ENTREP2: variants seen among roughly 807,000 people sequenced by gnomAD.
ENTREP2 encodes protein ENTREP2.
At chr15:29,469,840 G>A in the ENTREP2 span, among the ~76,000 whole-genome samples, 1 of 152,024 alleles carries the variant, frequency 6.6e-6, no homozygotes, top group African/African-American at 2.4e-5. Context: ...CTCCTGGAAG[G>A]GACCCAGCAG....
the ENTREP2 span, among the ~76,000 whole-genome samples, chr15:29,131,540 C>T: frequency 6.9e-6 from 1 of 145,538 alleles, no homozygotes; most frequent in Non-Finnish European, 1.5e-5. Context: ...AGGCTCCAGG[C>T]TGTCCTGCCA....
the ENTREP2 span, among the ~76,000 whole-genome samples, chr15:29,335,020 G>A: frequency 2.0e-5 from 3 of 152,256 alleles, no homozygotes; most frequent in East Asian, 1.9e-4. Flanking sequence ...AGCCAACAGT[G>A]GGAACCAAGA....
At chr15:29,373,391 T>C in the ENTREP2 span, among the ~76,000 whole-genome samples, 15 of 152,208 alleles carry the variant, frequency 9.9e-5, no homozygotes, top group Admixed American at 4.6e-4. Context: ...GGGAGAAACA[T>C]TCCTAATGAG....
the ENTREP2 span, among the ~76,000 whole-genome samples, chr15:29,465,653 G>T: frequency 6.6e-6 from 1 of 152,272 alleles, no homozygotes; most frequent in South Asian, 2.1e-4. Flanking sequence ...TTCTCAAATT[G>T]TATGGTCCAT....
chr15:29,121,069 C>G, the ENTREP2 span: 1 of 152,362 alleles, frequency 6.6e-6, no homozygotes, highest in Admixed American at 6.5e-5. Flanking sequence ...GCAGAAGGTT[C>G]CAGCCCAGCG....
the ENTREP2 span, among the ~76,000 whole-genome samples, chr15:29,259,347 C>G: frequency 1.3e-5 from 2 of 152,218 alleles, no homozygotes; most frequent in Non-Finnish European, 2.9e-5. Flanking sequence ...TGACCAATCT[C>G]TAGCACTTGA....
the ENTREP2 span, among the ~76,000 whole-genome samples, chr15:29,615,915 G>A: frequency 6.6e-6 from 1 of 152,138 alleles, no homozygotes; most frequent in Non-Finnish European, 1.5e-5. Flanking sequence ...TAAGAGCCTA[G>A]AAGCTCAAAG....
the ENTREP2 span, among the ~76,000 whole-genome samples, chr15:29,238,426 A>AT: frequency 6.6e-6 from 1 of 152,080 alleles, no homozygotes; most frequent in African/African-American, 2.4e-5. Flanking sequence ...AGGTCAGAAG[A>AT]TTGAGACCAT....
At chr15:29,260,474 T>C in the ENTREP2 span, among the ~76,000 whole-genome samples, 3 of 152,168 alleles carry the variant, frequency 2.0e-5, no homozygotes, top group Admixed American at 2.0e-4. Flanking sequence ...ACTTCAGGAA[T>C]GCAAGAAAGT....
chr15:29,655,902 G>A, the ENTREP2 span, among the ~76,000 whole-genome samples: 1 of 151,510 alleles, frequency 6.6e-6, no homozygotes, highest in Non-Finnish European at 1.5e-5. Flanking sequence ...GTGCATGCCT[G>A]TAATCCCAGC....
chr15:29,330,262 C>G, the ENTREP2 span, among the ~76,000 whole-genome samples: 1 of 151,466 alleles, frequency 6.6e-6, no homozygotes, highest in East Asian at 1.9e-4. Flanking sequence ...CATGGTGAAA[C>G]CCGGCCTCTA....
At chr15:29,534,049 G>A in the ENTREP2 span, among the ~76,000 whole-genome samples, 1 of 133,206 alleles carries the variant, frequency 7.5e-6, no homozygotes, top group South Asian at 2.6e-4. Context: ...CAGAAAGAGT[G>A]TCATATGTCC....
the ENTREP2 span, among the ~76,000 whole-genome samples, chr15:29,620,140 G>A: frequency 6.6e-6 from 1 of 152,078 alleles, no homozygotes; most frequent in African/African-American, 2.4e-5. Flanking sequence ...TGTGAGGAAG[G>A]ACAGATGACA....
At chr15:29,123,264 G>A in the ENTREP2 span, 3 of 1,411,136 alleles carry the variant, frequency 2.1e-6, no homozygotes, top group South Asian at 4.6e-5. Flanking sequence ...AGGCCTCTTT[G>A]TCAGGCATGA....
the ENTREP2 span, among the ~76,000 whole-genome samples, chr15:29,189,130 G>C: frequency 3.7e-4 from 56 of 152,220 alleles, no homozygotes; most frequent in Non-Finnish European, 6.9e-4. Context: ...CCAAGTAGGG[G>C]GTTGTGGAAG....
At chr15:29,356,451 G>A in the ENTREP2 span, among the ~76,000 whole-genome samples, 1 of 150,164 alleles carries the variant, frequency 6.7e-6, no homozygotes, top group African/African-American at 2.4e-5. Flanking sequence ...GACCACAGGC[G>A]ACCACTACCA....
chr15:29,515,785 T>C, the ENTREP2 span, among the ~76,000 whole-genome samples: 2 of 152,208 alleles, frequency 1.3e-5, no homozygotes, highest in African/African-American at 4.8e-5. Context: ...AGGTGGCTAG[T>C]ACAACTGATG....
the ENTREP2 span, among the ~76,000 whole-genome samples, chr15:29,118,521 C>T: frequency 2.6e-5 from 4 of 152,196 alleles, no homozygotes; most frequent in African/African-American, 7.2e-5. Context: ...GGCAACGCCC[C>T]GCTGCAACTG....
At chr15:29,176,750 G>T in the ENTREP2 span, among the ~76,000 whole-genome samples, 1 of 152,280 alleles carries the variant, frequency 6.6e-6, no homozygotes, top group East Asian at 1.9e-4. Context: ...TTCCCTCCAG[G>T]TCGCCAGGCT....
Sources: gnomAD v4.1 joint callset for allele counts (sites outside exome capture counted in the v4.1 genomes callset) on GRCh38, gnomAD v4.1.1 for gene constraint, MANE v1.5 for transcripts, NCBI Gene and HGNC (gene_info 2026-07-23, HGNC 2026-07-21) for gene names.